ARHGAP42: variants seen among roughly 807,000 people sequenced by gnomAD.
The protein encoded by ARHGAP42 is rho GTPase-activating protein 42.
In ARHGAP42, 63 loss-of-function variants were observed where a neutral mutation model predicts 125.0. The ratio of observed to expected loss-of-function variants is 0.50; its 90% CI spans 0.41 to 0.62. ARHGAP42 has a LOEUF of 0.62. Ranked by LOEUF, ARHGAP42 falls within the 20% of genes least tolerant of loss-of-function variation. ARHGAP42 has a pLI of 0.00. For missense variants in ARHGAP42, 766 were observed against 1,024.2 expected, an observed-to-expected ratio of 0.75 and a Z score of 3.44; for synonymous variants, 339 against 351.0, an observed-to-expected ratio of 0.97 and a Z score of 0.38.
intron 1 of ARHGAP42, among the ~76,000 whole-genome samples, chr11:100,696,688 CA>C (rs751942435): frequency 6.7e-6 from 1 of 150,370 alleles, no homozygotes; most frequent in Non-Finnish European, 1.5e-5. Flanking sequence ...TTTTTAGAGA[CA>C]GGGTCTTGCT....
chr11:100,734,335 A>C (rs1343600681), intron 1 of ARHGAP42, among the ~76,000 whole-genome samples: 2 of 151,990 alleles, frequency 1.3e-5, no homozygotes, highest in Non-Finnish European at 2.9e-5. Context: ...GCTTGAGTGC[A>C]ATGGCACAAT....
At chr11:100,890,153 C>T (rs1221207648) in intron 4 of ARHGAP42, among the ~76,000 whole-genome samples, 1 of 152,136 alleles carries the variant, frequency 6.6e-6, no homozygotes, top group Non-Finnish European at 1.5e-5. Flanking sequence ...AATCTGTGGG[C>T]AGGTTTTCCT....
chr11:100,962,544 A>G, intron 16 of ARHGAP42, 77 bp downstream of exon 16: 1 of 1,266,310 alleles, frequency 7.9e-7, no homozygotes, highest in Non-Finnish European at 1.1e-6. Flanking sequence ...TATTACTAGT[A>G]TCAGCTAGTG....
intron 1 of ARHGAP42, among the ~76,000 whole-genome samples, chr11:100,708,311 A>C (rs1051193406): frequency 6.6e-6 from 1 of 152,166 alleles, no homozygotes; most frequent in African/African-American, 2.4e-5. Flanking sequence ...CAGGGGTTGG[A>C]GACCAGCCTA....
intron 17 of ARHGAP42, among the ~76,000 whole-genome samples, chr11:100,970,931 T>G (rs1396059718): frequency 6.6e-6 from 1 of 152,014 alleles, no homozygotes; most frequent in East Asian, 2.0e-4. Flanking sequence ...ATTCAGCCTC[T>G]GCAACCCAGA....
intron 1 of ARHGAP42, among the ~76,000 whole-genome samples, chr11:100,743,091 G>A (rs1017635641): frequency 6.6e-6 from 1 of 152,088 alleles, no homozygotes; most frequent in Non-Finnish European, 1.5e-5. Flanking sequence ...GGGACTTGGA[G>A]GTGCTTTCCA....
Position 100,820,048 on chromosome 11 carries a change from G to A in ARHGAP42, c.312+24882G>A, listed in dbSNP as rs538071869. On this transcript the variant is annotated intron_variant, in intron 3 of 23. Coordinates refer to ENST00000298815, the MANE Select transcript of ARHGAP42 (RefSeq NM_152432.4). ...AGCCTGTTAGTATGCCACAGGGCTC[G>A]GAGGCAGTAAATATGAAAAGGTAAA... 9.9e-5 allele frequency among the ~76,000 whole-genome samples: 15 copies of A among 152,180 alleles called. No homozygotes were observed. The East Asian group carries it at 1.9e-3, about 20-fold the overall frequency.
chr11:100,726,505 A>C (rs1384266832), intron 1 of ARHGAP42, among the ~76,000 whole-genome samples: 1 of 152,236 alleles, frequency 6.6e-6, no homozygotes, highest in African/African-American at 2.4e-5. Flanking sequence ...TCCTGGGTAC[A>C]TTTTTATGTG....
At chr11:100,965,164 A>G (rs896054355) in intron 16 of ARHGAP42, among the ~76,000 whole-genome samples, 10 of 152,078 alleles carry the variant, frequency 6.6e-5, no homozygotes, top group African/African-American at 1.7e-4. Context: ...TAACCGCCCA[A>G]TGATTCCATT....
At chr11:100,707,953 T>A (rs1160564549) in intron 1 of ARHGAP42, among the ~76,000 whole-genome samples, 1 of 152,226 alleles carries the variant, frequency 6.6e-6, no homozygotes, top group African/African-American at 2.4e-5. Context: ...CATAGGAATC[T>A]TATATGAGAA....
At chr11:100,797,735 C>T (rs1489695801) in intron 3 of ARHGAP42, among the ~76,000 whole-genome samples, 1 of 152,156 alleles carries the variant, frequency 6.6e-6, no homozygotes, top group East Asian at 1.9e-4. Flanking sequence ...CATTCTGCAG[C>T]CCATGGATCA....
At chr11:100,979,486 G>A (rs1366151520) in intron 22 of ARHGAP42, among the ~76,000 whole-genome samples, 2 of 152,098 alleles carry the variant, frequency 1.3e-5, no homozygotes, top group East Asian at 3.9e-4. Context: ...AAGCGACTCT[G>A]TTTTTAGAGT....
intron 4 of ARHGAP42, among the ~76,000 whole-genome samples, chr11:100,911,390 A>G (rs1222968147): frequency 2.0e-5 from 3 of 152,104 alleles, no homozygotes; most frequent in Non-Finnish European, 2.9e-5. Flanking sequence ...AGACCCATAT[A>G]TATAACTATA....
chr11:100,886,924 A>T (rs641582), intron 4 of ARHGAP42, among the ~76,000 whole-genome samples: 61,159 of 151,956 alleles, frequency 0.4, 13,151 homozygotes, highest in Middle Eastern at 0.51. Flanking sequence ...TAAAAGAAAA[A>T]CACTAGAAAT....
At chr11:100,723,396 C>T (rs1365351534) in intron 1 of ARHGAP42, among the ~76,000 whole-genome samples, 1 of 152,162 alleles carries the variant, frequency 6.6e-6, no homozygotes, top group African/African-American at 2.4e-5. Flanking sequence ...AACATTAAGT[C>T]TTCCTATCTA....
At chr11:100,976,511 AG>A in intron 20 of ARHGAP42, 74 bp downstream of exon 20, 1 of 1,450,476 alleles carries the variant, frequency 6.9e-7, no homozygotes, top group South Asian at 1.5e-5. Context: ...AGCATGGTTA[AG>A]CAGGGATAAA....
At chr11:100,856,628 TG>T (rs1330616905) in intron 3 of ARHGAP42, among the ~76,000 whole-genome samples, 1 of 152,116 alleles carries the variant, frequency 6.6e-6, no homozygotes, top group Non-Finnish European at 1.5e-5. Context: ...TAATGGTTTA[TG>T]GAAAAATGTA....
At chr11:100,793,649 T>C (rs908314870) in intron 2 of ARHGAP42, among the ~76,000 whole-genome samples, 4 of 148,512 alleles carry the variant, frequency 2.7e-5, no homozygotes, top group Non-Finnish European at 5.9e-5. Context: ...TTTTGATGAG[T>C]TCTTTTGATT....
intron 1 of ARHGAP42, among the ~76,000 whole-genome samples, chr11:100,708,663 A>G (rs1385670217): frequency 6.6e-6 from 1 of 152,218 alleles, no homozygotes; most frequent in Non-Finnish European, 1.5e-5. Context: ...CTGGCTTTCT[A>G]TGATGATAAA....
Sources: allele counts gnomAD v4.1 joint callset (sites outside exome capture counted in the v4.1 genomes callset), GRCh38; gene constraint gnomAD v4.1.1; transcripts MANE v1.5; gene names NCBI Gene and HGNC (gene_info 2026-07-23, HGNC 2026-07-21).